The following EOGT variants were observed in gnomAD, a reference collection of about 807,000 sequenced individuals.
EOGT encodes EGF domain specific O-linked N-acetylglucosamine transferase, also known as EGF domain-specific O-linked N-acetylglucosamine transferase.
A neutral mutation model predicts 70.5 loss-of-function variants in EOGT; 55 were observed. The ratio of observed to expected loss-of-function variants is 0.78; its 90% CI spans 0.63 to 0.98. The LOEUF (loss-of-function observed/expected upper bound fraction) is 0.98. Ranked by LOEUF, EOGT falls within the 50% of genes least tolerant of loss-of-function variation. The probability of loss-of-function intolerance (pLI) is 0.00; values close to 1 mark genes in which losing one functional copy is unlikely to be tolerated. For missense variants in EOGT, 703 were observed against 641.9 expected (o/e 1.10, Z -1.03); for synonymous variants, 246 against 217.1 (o/e 1.13, Z -1.17).
At chr3:69,006,396 T>C (rs990793553) in intron 6 of EOGT, among the ~76,000 whole-genome samples, 3 of 152,216 alleles carry the variant, frequency 2.0e-5, no homozygotes, top group African/African-American at 4.8e-5. Context: ...TACTCAGTTT[T>C]TGAATGTGAG....
At chr3:68,981,455 A>C (rs532099428) in intron 15 of EOGT, among the ~76,000 whole-genome samples, 9 of 152,310 alleles carry the variant, frequency 5.9e-5, no homozygotes, top group Non-Finnish European at 1.2e-4. Context: ...TTTTAACTGG[A>C]AAGTGTTCAC....
Position 68,979,754 on chromosome 3 carries a change from T to G in EOGT, c.1248A>C (p.Thr416=). 6.2e-7 allele frequency: 1 copy of G among 1,613,656 alleles called. No individual in the cohort carries two copies. Among genetic ancestry groups the G allele is most frequent in the Non-Finnish European group, 8.5e-7 (1 of 1,179,660 alleles). ...ELGFLDQLRI[T]HNTDIFIGMH... ...TTCCAATAAATATGTCCGTGTTGTG[T>G]GTGATCCTTAGTTGATCTAAAAACC... The change falls in exon 16 of 18, where the codon ACA becomes ACC. Residue 416 remains threonine, a synonymous_variant. Transcript: ENST00000383701.
rs762601144 is a variant in EOGT, at chr3:69,005,155, T to C, written c.500A>G (p.Lys167Arg). Residue 167 changes from lysine (K) to arginine (R), a missense_variant, in exon 7 of 18, where the codon AAG (lysine) becomes AGG (arginine). Coordinates refer to ENST00000383701, the MANE Select transcript of EOGT (RefSeq NM_001278689.2). ...ACTAAAGTACCTGTCATGATTTCTC[T>C]TGATGTTTCTTAAATCAAGATAGAG... ...TNLYLDLRNI[K>R]RNHDRFKEDF... The C allele has an allele frequency of 3.7e-5, 59 of 1,578,540 alleles. No individual in the cohort carries two copies. The highest frequency in any genetic ancestry group is 4.9e-5 in the Non-Finnish European group (56 of 1,149,422).
intron 10 of EOGT, among the ~76,000 whole-genome samples, chr3:68,992,967 A>G (rs1282979637): frequency 6.6e-6 from 1 of 152,204 alleles, no homozygotes; most frequent in Non-Finnish European, 1.5e-5. Context: ...ACAAGGCACC[A>G]AGTCCCTAGG....
intron 3 of EOGT, among the ~76,000 whole-genome samples, chr3:69,011,573 T>A: frequency 7.7e-6 from 1 of 130,518 alleles, no homozygotes; most frequent in African/African-American, 3.0e-5. Flanking sequence ...CCAGCCTGGG[T>A]AATGCGAGGG....
chr3:68,989,050 A>C, intron 10 of EOGT, 33 bp from the exon 11 acceptor site: 1 of 1,276,602 alleles, frequency 7.8e-7, no homozygotes, highest in South Asian at 1.4e-5. Context: ...GTTTTAGGGC[A>C]ATAAAAGGAT....
chr3:68,989,591 T>C (rs974510477), intron 10 of EOGT, among the ~76,000 whole-genome samples: 8 of 151,386 alleles, frequency 5.3e-5, no homozygotes, highest in Admixed American at 4.6e-4. Flanking sequence ...CTACTAAAAA[T>C]ACAAAAATTA....
At chr3:68,980,427 C>T (rs2090605914) in intron 15 of EOGT, among the ~76,000 whole-genome samples, 1 of 152,146 alleles carries the variant, frequency 6.6e-6, no homozygotes, top group Non-Finnish European at 1.5e-5. Flanking sequence ...CAAGTGTTCT[C>T]TAAATCCAAG....
chr3:68,998,320 A>G (rs2091208025), intron 9 of EOGT, among the ~76,000 whole-genome samples: 2 of 152,202 alleles, frequency 1.3e-5, no homozygotes, highest in African/African-American at 4.8e-5. Flanking sequence ...TTCAAAAGTC[A>G]CTCTAAAATT....
chr3:68,985,609 A>T (rs2090782840), intron 14 of EOGT, among the ~76,000 whole-genome samples: 1 of 152,178 alleles, frequency 6.6e-6, no homozygotes, highest in Non-Finnish European at 1.5e-5. Flanking sequence ...TAAGTATCAT[A>T]GGTCCTATCT....
chr3:68,986,659 T>C (rs919237388), intron 14 of EOGT, among the ~76,000 whole-genome samples: 2 of 152,140 alleles, frequency 1.3e-5, no homozygotes, highest in Non-Finnish European at 2.9e-5. Context: ...CAAACCCCCA[T>C]CCATCCACAT....
chr3:68,980,135 G>C (rs926480945), intron 15 of EOGT, among the ~76,000 whole-genome samples: 6 of 152,176 alleles, frequency 3.9e-5, no homozygotes, highest in Admixed American at 2.6e-4. Flanking sequence ...AATCGAGGTA[G>C]ATACTATTGC....
chr3:69,001,804 AT>A, intron 8 of EOGT, 90 bp from the exon 9 acceptor site: 1 of 847,576 alleles, frequency 1.2e-6, no homozygotes. Context: ...CATTAGGCAG[AT>A]TTTACCTCTA....
At chr3:68,982,189 G>A (rs1454493447) in intron 15 of EOGT, among the ~76,000 whole-genome samples, 2 of 152,124 alleles carry the variant, frequency 1.3e-5, no homozygotes. Flanking sequence ...GATTACAGGC[G>A]TGAGCCATCG....
At chr3:68,999,621 G>C (rs2091244977) in intron 9 of EOGT, among the ~76,000 whole-genome samples, 1 of 151,964 alleles carries the variant, frequency 6.6e-6, no homozygotes, top group African/African-American at 2.4e-5. Flanking sequence ...TTGTTTGGAA[G>C]GGCTAATTTT....
At chr3:69,007,911 C>T in intron 5 of EOGT, 90 bp from the exon 6 acceptor site, 1 of 824,422 alleles carries the variant, frequency 1.2e-6, no homozygotes, top group Non-Finnish European at 1.9e-6. Flanking sequence ...GCTAGAGGTT[C>T]CTTATTACTT....
At chr3:68,987,400 A>C (rs9310135) in intron 14 of EOGT, 45 bp downstream of exon 14, 2 of 1,282,314 alleles carry the variant, frequency 1.6e-6, no homozygotes, top group South Asian at 2.6e-5. Flanking sequence ...AATTTGCTCT[A>C]TGAATTGAAT....
chr3:68,982,450 G>A (rs915722618), intron 15 of EOGT, among the ~76,000 whole-genome samples: 1 of 152,182 alleles, frequency 6.6e-6, no homozygotes, highest in Non-Finnish European at 1.5e-5. Context: ...AACCCAGGAG[G>A]TGGAGGTTGC....
chr3:69,005,926 G>A (rs574920376), intron 6 of EOGT, among the ~76,000 whole-genome samples: 284 of 152,264 alleles, frequency 1.9e-3, no homozygotes, highest in African/African-American at 6.7e-3. Flanking sequence ...TCTCAATCTT[G>A]ACCTGCATGG....
Sources: allele counts gnomAD v4.1 joint callset (sites outside exome capture counted in the v4.1 genomes callset), GRCh38; gene constraint gnomAD v4.1.1; transcripts MANE v1.5; gene names NCBI Gene and HGNC (gene_info 2026-07-23, HGNC 2026-07-21).